CXorf58: variants seen among roughly 807,000 people sequenced by gnomAD.
CXorf58 encodes the protein chromosome X open reading frame 58, also known as uncharacterized protein CXorf58.
Under a neutral mutation model 26.0 loss-of-function variants are expected in CXorf58, and 24 were observed. The observed-to-expected ratio is 0.92, with a 90% CI of 0.67 to 1.30. The LOEUF is 1.30. CXorf58 is among the 50% of genes most tolerant of loss of function. The pLI is 0.00. For synonymous variants in CXorf58, 87 were observed against 86.1 expected, an observed-to-expected ratio of 1.01 and a Z score of -0.06; for missense variants, 236 against 263.9, an observed-to-expected ratio of 0.89 and a Z score of 0.73.
intron 2 of CXorf58, among the ~76,000 whole-genome samples, chrX:23,910,828 C>T (rs1569250509): frequency 3.3e-5 from 3 of 90,159 alleles, no homozygotes; most frequent in Admixed American, 2.9e-4. Context: ...TGCAGTGGTG[C>T]GATCTCGGCT....
intron 5 of CXorf58, 123 bp downstream of exon 5, chrX:23,916,451 G>T: frequency 1.1e-5 from 3 of 264,794 alleles, no homozygotes; most frequent in African/African-American, 3.3e-5. Context: ...CAGGTAGGTA[G>T]TGTGTTTTTT....
At chrX:23,919,153 A>G (rs1347028982) in intron 5 of CXorf58, among the ~76,000 whole-genome samples, 1 of 111,541 alleles carries the variant, frequency 9.0e-6, no homozygotes, top group Non-Finnish European at 1.9e-5. Context: ...CTTTGAATAA[A>G]CTTTCTACCC....
In CXorf58 at chrX:23,908,027, G is replaced by C; in HGVS notation, c.-323G>C. The C allele has an allele frequency of 4.7e-6, 1 of 210,920 alleles. No homozygotes were observed. The highest frequency in any genetic ancestry group is 7.3e-5 in the Admixed American group (1 of 13,711). 17.4% of individuals were successfully genotyped at this position (210,920 alleles called of 1,213,427 possible). ...CTGTGTGGACGGTACGCGGAGGCGC[G>C]AGGAGGGAGGCGCCTGGCGTTGCCG... On this transcript the variant is annotated 5_prime_UTR_variant, in exon 1 of 9. Transcript: ENST00000379211.
At chrX:23,930,419 G>A (rs1163990737) in intron 6 of CXorf58, among the ~76,000 whole-genome samples, 3 of 107,400 alleles carry the variant, frequency 2.8e-5, no homozygotes, top group Non-Finnish European at 5.8e-5. Flanking sequence ...TCTTGAAGAT[G>A]GAGTTTGAGA....
At chrX:23,911,149 T>C (rs779610901) in intron 2 of CXorf58, among the ~76,000 whole-genome samples, 1 of 110,841 alleles carries the variant, frequency 9.0e-6, no homozygotes, top group Non-Finnish European at 1.9e-5. Context: ...TCTTTGTACA[T>C]AGCGCTGTAA....
intron 5 of CXorf58, among the ~76,000 whole-genome samples, chrX:23,918,764 T>C (rs1436585453): frequency 8.9e-6 from 1 of 112,452 alleles, no homozygotes; most frequent in Non-Finnish European, 1.9e-5. Flanking sequence ...AAGTCTGTTA[T>C]TGACAAAATT....
At chrX:23,925,640 G>A (rs1316014070) in intron 5 of CXorf58, among the ~76,000 whole-genome samples, 1 of 109,552 alleles carries the variant, frequency 9.1e-6, no homozygotes, top group Non-Finnish European at 1.9e-5. Flanking sequence ...GAACCACCGT[G>A]CCTGGCCTCA....
chrX:23,927,372 T>A lies in CXorf58; in HGVS notation c.555+2T>A, dbSNP rs1449782171. On this transcript the variant is annotated splice_donor_variant, in intron 6 of 8. Transcript: ENST00000379211. LOFTEE classifies it high-confidence loss of function. ...GTCACCATGCAAGATTATGTACAAG[T>A]AAGGAATTTAGATTTAGAAAAACAA... 8.8e-7 allele frequency: 1 copy of A among 1,130,305 alleles called. No homozygotes were observed. Among genetic ancestry groups the A allele is most frequent in the Non-Finnish European group, 1.2e-6 (1 of 852,085 alleles). 93.1% of individuals were successfully genotyped at this position (1,130,305 alleles called of 1,213,427 possible). A position where few individuals can be genotyped will look rare whatever the true frequency, so the allele number is the denominator to read the frequency against.
chrX:23,910,760 C>CTTTTTTTTTTT (rs779387168), intron 2 of CXorf58, among the ~76,000 whole-genome samples: 1 of 51,447 alleles, frequency 1.9e-5, no homozygotes, highest in Non-Finnish European at 3.3e-5. Context: ...TTTTTCCTTT[C>CTTTTTTTTTTT]TTTTTTTTTT....
chrX:23,925,249 T>C (rs1275858459), intron 5 of CXorf58, among the ~76,000 whole-genome samples: 1 of 111,491 alleles, frequency 9.0e-6, no homozygotes, highest in Non-Finnish European at 1.9e-5. Context: ...AAAGTGAGAA[T>C]TGGAATAGAA....
chrX:23,910,159 T>C lies in CXorf58; in HGVS notation c.-20-124T>C, dbSNP rs1927534908. 3 of 394,882 alleles carry C rather than the reference T, an allele frequency of 7.6e-6. No individual in the cohort carries two copies. The East Asian group carries it at 1.4e-4, about 18-fold the overall frequency. The allele number at this position is 394,882 out of a possible 1,213,427, so 32.5% of individuals were successfully genotyped here. Reference sequence around the variant, plus strand: ...GTAAACTGTAAGCAACTTTAAGAGATCCACAATGCCTTCCTTTTTAAAGGA... The same window carrying C: ...GTAAACTGTAAGCAACTTTAAGAGACCCACAATGCCTTCCTTTTTAAAGGA... On this transcript the variant is annotated intron_variant, in intron 1 of 8. Transcript: ENST00000379211.
rs897237530 is a variant in CXorf58 at position 23,908,127 on chromosome X, C to G, written c.-223C>G. The G allele has an allele frequency of 1.6e-5, 2 of 121,529 alleles. No homozygotes were observed. The highest frequency in any genetic ancestry group is 6.3e-5 in the African/African-American group (2 of 31,661). The allele number at this position is 121,529 out of a possible 1,213,427, so 10.0% of individuals were successfully genotyped here. A position where few individuals can be genotyped will look rare whatever the true frequency, so the allele number is the denominator to read the frequency against. On this transcript the variant is annotated 5_prime_UTR_variant, in exon 1 of 9. Transcript: ENST00000379211. ...GTACTGGGATTTCTGTGAGCAGAGG[C>G]TGCCGAGAGGGGGCGCTTGGAGGGC...
intron 6 of CXorf58, among the ~76,000 whole-genome samples, chrX:23,928,136 G>A (rs1156920875): frequency 1.8e-5 from 2 of 111,167 alleles, no homozygotes; most frequent in Non-Finnish European, 3.8e-5. Flanking sequence ...AGGCAGTGGT[G>A]ATAGTTGCAC....
chrX:23,911,924 G>T (rs1238155665), intron 3 of CXorf58, 68 bp downstream of exon 3: 23 of 700,552 alleles, frequency 3.3e-5, no homozygotes, highest in South Asian at 2.4e-5. Context: ...ATTAATTAAA[G>T]ATCGAATAGA....
At chrX:23,909,138 T>C (rs1160991938) in intron 1 of CXorf58, among the ~76,000 whole-genome samples, 2 of 112,171 alleles carry the variant, frequency 1.8e-5, no homozygotes, top group Non-Finnish European at 3.8e-5. Flanking sequence ...CTGAATAGAC[T>C]CAGAAGGCTC....
At chrX:23,916,186 C>A in intron 4 of CXorf58, 31 bp from the exon 5 acceptor site, 2 of 993,194 alleles carry the variant, frequency 2.0e-6, no homozygotes, top group Non-Finnish European at 2.8e-6. Flanking sequence ...AAACCTGATG[C>A]CAAATAACTA....
At position 23,915,748 on chromosome X, in the gene CXorf58, G is replaced by A. The variant is rs1412620008; in HGVS notation, c.265G>A (p.Ala89Thr). ...ACTGAAGAAAGTGGCCCCCTTAGAGGCTAAGCTTATTAAGGATCCTACTAT... is the reference window on the plus strand; with the variant it reads ...ACTGAAGAAAGTGGCCCCCTTAGAGACTAAGCTTATTAAGGATCCTACTAT... ...EILKKVAPLE[A>T]KLIKDPTMQC... Residue 89 changes from alanine (A) to threonine (T), a missense_variant, in exon 4 of 9, where the codon GCT (alanine) becomes ACT (threonine). Transcript: ENST00000379211. 1 of 1,193,459 alleles carries A rather than the reference G, an allele frequency of 8.4e-7. No homozygotes were observed. The highest frequency in any genetic ancestry group is 1.8e-5 in the African/African-American group (1 of 56,834).
chrX:23,930,196 CAAAA>C (rs752970734), intron 6 of CXorf58, among the ~76,000 whole-genome samples: 1 of 36,777 alleles, frequency 2.7e-5, no homozygotes, highest in African/African-American at 1.3e-4. Context: ...GACTCTGTCT[CAAAA>C]AAAAAAAAAA....
At chrX:23,920,766 C>T (rs1380398446) in intron 5 of CXorf58, among the ~76,000 whole-genome samples, 1 of 108,394 alleles carries the variant, frequency 9.2e-6, no homozygotes, top group Admixed American at 1.0e-4. Context: ...TGGTGGGCGC[C>T]TGTAATCCCA....
Sources: gnomAD v4.1 joint callset for allele counts (sites outside exome capture counted in the v4.1 genomes callset) on GRCh38, gnomAD v4.1.1 for gene constraint, MANE v1.5 for transcripts, NCBI Gene and HGNC (gene_info 2026-07-23, HGNC 2026-07-21) for gene names.